Variants in SCHIP1 observed in about 807,000 individuals in gnomAD.
The protein encoded by SCHIP1 is schwannomin interacting protein 1, also known as schwannomin-interacting protein 1.
SCHIP1 carries 8 observed loss-of-function variants against 29.7 expected under a neutral mutation model. The ratio of observed to expected loss-of-function variants is 0.27; its 90% CI spans 0.16 to 0.49. The LOEUF is 0.49. SCHIP1 is among the 20% of genes least tolerant of loss of function. SCHIP1 has a pLI of 0.99. For synonymous variants in SCHIP1, 76 were observed against 94.9 expected (o/e 0.80, Z 1.16); for missense variants, 193 against 294.6 (o/e 0.66, Z 2.52).
the SCHIP1 span, among the ~76,000 whole-genome samples, chr3:159,693,475 T>G: frequency 6.6e-6 from 1 of 152,238 alleles, no homozygotes; most frequent in Non-Finnish European, 1.5e-5. Context: ...AAAGGATTAA[T>G]TGGATCCTGA....
At chr3:159,725,111 T>C in the SCHIP1 span, among the ~76,000 whole-genome samples, 5 of 152,152 alleles carry the variant, frequency 3.3e-5, no homozygotes, top group Non-Finnish European at 7.3e-5. Flanking sequence ...CTCATTCATC[T>C]CAGTTTGATG....
chr3:159,807,051 A>G, the SCHIP1 span, among the ~76,000 whole-genome samples: 2 of 152,362 alleles, frequency 1.3e-5, no homozygotes, highest in Admixed American at 1.3e-4. Flanking sequence ...GAGAATAAAC[A>G]TAGATAATAA....
At chr3:159,828,492 C>A in the SCHIP1 span, among the ~76,000 whole-genome samples, 1 of 138,446 alleles carries the variant, frequency 7.2e-6, no homozygotes, top group Non-Finnish European at 1.6e-5. Flanking sequence ...CACATACATA[C>A]CAATGTAGCT....
the SCHIP1 span, among the ~76,000 whole-genome samples, chr3:159,407,790 G>A: frequency 1.3e-4 from 20 of 152,252 alleles, no homozygotes; most frequent in South Asian, 2.7e-3. Flanking sequence ...TGACCAGTTG[G>A]TCAATGAAGA....
At chr3:159,768,110 G>T in the SCHIP1 span, among the ~76,000 whole-genome samples, 2 of 152,106 alleles carry the variant, frequency 1.3e-5, no homozygotes, top group Non-Finnish European at 2.9e-5. Context: ...TATGAACAGG[G>T]TTTTGTTCTT....
the SCHIP1 span, among the ~76,000 whole-genome samples, chr3:159,775,835 AAATTTTAAAGGGAATGAGGT>A: frequency 6.6e-6 from 1 of 152,216 alleles, no homozygotes; most frequent in Non-Finnish European, 1.5e-5. Flanking sequence ...GCTTTCTGAA[AAATTTTAAAGGGAATGAGGT>A]AATTTCCTCA....
the SCHIP1 span, among the ~76,000 whole-genome samples, chr3:159,492,475 G>T: frequency 5.3e-5 from 8 of 152,138 alleles, no homozygotes; most frequent in African/African-American, 1.9e-4. Context: ...AGTAACTGAG[G>T]CGATCAACTG....
At chr3:159,540,657 C>T in the SCHIP1 span, among the ~76,000 whole-genome samples, 1 of 152,152 alleles carries the variant, frequency 6.6e-6, no homozygotes, top group African/African-American at 2.4e-5. Context: ...CAACATGACC[C>T]ATAGAGGGTT....
chr3:159,774,917 ATCC>A, the SCHIP1 span, among the ~76,000 whole-genome samples: 1,000 of 152,350 alleles, frequency 6.6e-3, 14 homozygotes, highest in African/African-American at 0.023. Context: ...TCTTTGGCTT[ATCC>A]ATCATCAGCA....
chr3:159,653,148 A>G, the SCHIP1 span, among the ~76,000 whole-genome samples: 945 of 152,286 alleles, frequency 6.2e-3, 16 homozygotes, highest in African/African-American at 0.02. Context: ...TGGGAGTATA[A>G]ATTAGTTTAA....
chr3:159,600,316 C>T, the SCHIP1 span, among the ~76,000 whole-genome samples: 1 of 152,136 alleles, frequency 6.6e-6, no homozygotes, highest in East Asian at 1.9e-4. Flanking sequence ...TTGCTGTTTT[C>T]AGGGATACTG....
chr3:159,476,771 T>C, the SCHIP1 span, among the ~76,000 whole-genome samples: 2 of 152,318 alleles, frequency 1.3e-5, no homozygotes, highest in Middle Eastern at 6.8e-3. Flanking sequence ...ATCAACCTAA[T>C]TAACATATAT....
chr3:159,483,090 A>C, the SCHIP1 span, among the ~76,000 whole-genome samples: 1 of 152,194 alleles, frequency 6.6e-6, no homozygotes, highest in Non-Finnish European at 1.5e-5. Context: ...GATAGCTGAC[A>C]GAGCTCCCAC....
the SCHIP1 span, among the ~76,000 whole-genome samples, chr3:159,405,539 G>T: frequency 1.3e-5 from 2 of 152,122 alleles, no homozygotes; most frequent in African/African-American, 4.8e-5. Flanking sequence ...TGGCAGAATT[G>T]GTCACACAGA....
chr3:159,785,840 TG>T, the SCHIP1 span, among the ~76,000 whole-genome samples: 4 of 152,234 alleles, frequency 2.6e-5, no homozygotes, highest in Non-Finnish European at 5.9e-5. Context: ...TATCCATCAC[TG>T]GGGCAGCTTA....
At chr3:159,710,719 A>C in the SCHIP1 span, among the ~76,000 whole-genome samples, 1 of 152,234 alleles carries the variant, frequency 6.6e-6, no homozygotes, top group Non-Finnish European at 1.5e-5. Context: ...AAATGGGTTA[A>C]AGTCTTAAAT....
the SCHIP1 span, among the ~76,000 whole-genome samples, chr3:159,290,005 T>C: frequency 2.6e-5 from 4 of 152,200 alleles, no homozygotes; most frequent in Admixed American, 2.0e-4. Context: ...CACTAAGCAG[T>C]TGCCTCCTAA....
chr3:159,891,417 C>A (rs1221038811), intron 5 of SCHIP1, among the ~76,000 whole-genome samples: 3 of 150,544 alleles, frequency 2.0e-5, no homozygotes, highest in Non-Finnish European at 4.4e-5. Flanking sequence ...AGGAAGGGAG[C>A]GAGGGAGGGA....
At chr3:159,517,166 TTTACTC>T in the SCHIP1 span, among the ~76,000 whole-genome samples, 977 of 152,254 alleles carry the variant, frequency 6.4e-3, 10 homozygotes, top group African/African-American at 0.022. Flanking sequence ...TGTGGCAAAT[TTTACTC>T]TAAAGTGCTG....
Sources: allele counts gnomAD v4.1 joint callset (sites outside exome capture counted in the v4.1 genomes callset), GRCh38; gene constraint gnomAD v4.1.1; transcripts MANE v1.5; gene names NCBI Gene and HGNC (gene_info 2026-07-23, HGNC 2026-07-21).